Variants in SACS observed in about 807,000 individuals in gnomAD.
SACS encodes the protein sacsin.
In SACS, 197 loss-of-function variants were observed where a neutral mutation model predicts 348.0. The ratio of observed to expected loss-of-function variants is 0.57; its 90% CI spans 0.50 to 0.64. SACS has a LOEUF of 0.64. SACS is among the 30% of genes least tolerant of loss of function. The pLI is 0.00. For missense variants in SACS, 4,999 were observed against 5,360.8 expected, an observed-to-expected ratio of 0.93 and a Z score of 2.11; for synonymous variants, 1,985 against 1,910.6, an observed-to-expected ratio of 1.04 and a Z score of -1.02.
chr13:23,367,307 A>C (rs1026448676), intron 5 of SACS, among the ~76,000 whole-genome samples: 3 of 152,124 alleles, frequency 2.0e-5, no homozygotes, highest in African/African-American at 7.3e-5. Context: ...ATGATCACTA[A>C]AGACACAACA....
intron 2 of SACS, among the ~76,000 whole-genome samples, chr13:23,379,109 G>A (rs535520720): frequency 6.6e-6 from 1 of 151,994 alleles, no homozygotes; most frequent in South Asian, 2.1e-4. Flanking sequence ...CAGGCTCCCT[G>A]GTAGTGAATC....
chr13:23,393,292 G>C (rs926515793), intron 2 of SACS, among the ~76,000 whole-genome samples: 1 of 152,214 alleles, frequency 6.6e-6, no homozygotes, highest in African/African-American at 2.4e-5. Flanking sequence ...GGAGATATGT[G>C]TGTAAATATT....
At chr13:23,392,835 C>T (rs1207573072) in intron 2 of SACS, among the ~76,000 whole-genome samples, 1 of 152,166 alleles carries the variant, frequency 6.6e-6, no homozygotes, top group African/African-American at 2.4e-5. Context: ...ACAAGACAGG[C>T]CCTTCTCTCC....
rs766045899 is a variant in SACS at position 23,375,286 on chromosome 13, G to C, written c.21-17C>G. 1 of 1,434,332 alleles carries C rather than the reference G, an allele frequency of 7.0e-7. No homozygotes were observed. The allele number at this position is 1,434,332 out of a possible 1,614,324, so 88.9% of individuals were successfully genotyped here. On this transcript the variant is annotated splice_polypyrimidine_tract_variant and intron_variant, in intron 2 of 9. Coordinates refer to ENST00000382292, the MANE Select transcript of SACS (RefSeq NM_014363.6). ...GGGACCCACCTGTGGAAAGCAGAGG[G>C]ACGCTCAGTCGGGCTGCGGCTGCCA...
rs762665640 is a variant in SACS, at chr13:23,334,477, T to C, written c.9399A>G (p.Lys3133=). 181 of 1,612,672 alleles carry C rather than the reference T, an allele frequency of 1.1e-4. No individual in the cohort carries two copies. Among genetic ancestry groups the C allele is most frequent in the Non-Finnish European group, 1.3e-4 (151 of 1,179,734 alleles). The change falls in exon 10 of 10, where the codon AAA becomes AAG. Residue 3133 remains lysine (K), a synonymous_variant. Coordinates refer to ENST00000382292, the MANE Select transcript of SACS (RefSeq NM_014363.6). ...CTTTAAAACAATAATCAACTAAAAG[T>C]TTTAAACTATGAAAAAGTTTTAGAT... ...QTNLKLFHSL[K]LLVDYCFKDA...
In SACS at chr13:23,335,361, C is replaced by A. The variant is rs777287755; in HGVS notation, c.8515G>T (p.Ala2839Ser). The change falls in exon 10 of 10, where the codon GCT (alanine) becomes TCT (serine). Residue 2839 changes from alanine to serine, a missense_variant. Physicochemically the swap from Ala to Ser is moderately conservative, Grantham distance 99. Coordinates refer to ENST00000382292, the MANE Select transcript of SACS (RefSeq NM_014363.6). The surrounding 1 kb of genome is among the most constrained non-coding windows in gnomAD (Gnocchi z 4.7). ...AGAGTAATATCTTGGTTCTTGTGAG[C>A]TGATATGACACTTTTAGATACTTTC... is the stretch of plus-strand genomic sequence containing the variant. ...MEKVSKSVIS[A>S]HKNQDITLFP... The A allele has an allele frequency of 1.2e-6, 2 of 1,613,896 alleles. No homozygotes were observed. The highest frequency in any genetic ancestry group is 1.7e-6 in the Non-Finnish European group (2 of 1,179,882).
In SACS at chr13:23,329,675, C is replaced by T. The variant is rs1003496096; in HGVS notation, c.*461G>A. ...TCAGAGCCAGCTGATGAGAAAATAA[C>T]GCATCCAAGAGGATCCACTTAAAAA... On this transcript the variant is annotated 3_prime_UTR_variant, in exon 10 of 10. Coordinates refer to ENST00000382292, the MANE Select transcript of SACS (RefSeq NM_014363.6). The T allele has an allele frequency of 3.1e-5, 16 of 522,192 alleles. No homozygotes were observed. The East Asian group carries it at 3.8e-4, about 12-fold the overall frequency. The allele number at this position is 522,192 out of a possible 1,614,324, so 32.3% of individuals were successfully genotyped here. A position where few individuals can be genotyped will look rare whatever the true frequency, so the allele number is the denominator to read the frequency against.
Position 23,339,508 on chromosome 13 carries a change from T to C in SACS, c.4368A>G (p.Gln1456=), listed in dbSNP as rs1195208728. 1 of 1,612,242 alleles carries C rather than the reference T, an allele frequency of 6.2e-7. No homozygotes were observed. The highest frequency in any genetic ancestry group is 8.5e-7 in the Non-Finnish European group (1 of 1,178,820). Residue 1456 remains glutamine (Q), a synonymous_variant, in exon 10 of 10, where the codon CAA becomes CAG. Coordinates refer to ENST00000382292, the MANE Select transcript of SACS (RefSeq NM_014363.6). The part of the protein sequence containing the change: ...PENMGFEQSG[Q]REPLTVRIKN... ...TAATTCTTACAGTAAGTGGCTCTCTTTGTCCTGACTGCTCAAATCCCATGT... is the reference window on the plus strand; with the variant it reads ...TAATTCTTACAGTAAGTGGCTCTCTCTGTCCTGACTGCTCAAATCCCATGT...
At chr13:23,404,484 C>T (rs914465177) in intron 2 of SACS, among the ~76,000 whole-genome samples, 1 of 152,162 alleles carries the variant, frequency 6.6e-6, no homozygotes, top group African/African-American at 2.4e-5. Flanking sequence ...TGGGCAAAAG[C>T]TGGAAGCATT....
chr13:23,385,865 G>A lies in SACS; in HGVS notation c.21-10596C>T, dbSNP rs866215516. 9.2e-5 allele frequency among the ~76,000 whole-genome samples: 14 copies of A among 152,290 alleles called. 1 individual carries two copies. The highest frequency in any genetic ancestry group is 3.1e-4 in the African/African-American group (13 of 41,582). ...GATGCTGTGTTAGCAGGCAGGAAAC[G>A]ATATTCATCGCCTTGTACTTCTCCA... On this transcript the variant is annotated intron_variant, in intron 2 of 9. Coordinates refer to ENST00000382292, the MANE Select transcript of SACS (RefSeq NM_014363.6).
At position 23,358,467 on chromosome 13, in the gene SACS, CAT is replaced by C. The variant is rs1444216187; in HGVS notation, c.470_471del (p.Tyr157CysfsTer26). ...DMAPYQGPAL[Y>X]VYNNAVFTPE... ...GGGGTGAAAACCGCGTTGTTGTACA[CAT>C]AGAGAGCTGGCCCTAGGTGTGAAAA... On this transcript the variant is annotated frameshift_variant, in exon 7 of 10. Transcript: ENST00000382292. LOFTEE classifies it high-confidence loss of function. The C allele has an allele frequency of 1.2e-6, 2 of 1,614,110 alleles. No individual in the cohort carries two copies. The highest frequency in any genetic ancestry group is 1.1e-5 in the South Asian group (1 of 91,084).
chr13:23,335,604 C>G lies in SACS; in HGVS notation c.8272G>C (p.Ala2758Pro). Residue 2758 changes from alanine to proline, a missense_variant, in exon 10 of 10, where the codon GCT (alanine) becomes CCT (proline). Transcript: ENST00000382292. The surrounding 1 kb of genome is among the most constrained non-coding windows in gnomAD (Gnocchi z 4.7). ...SICEIDKSTG[A>P]LNVLYSVKGK... ...TTTACTGAATACAGCACATTTAGAG[C>G]TCCAGTACTCTTATCTATTTCACAA... 1 of 1,613,786 alleles carries G rather than the reference C, an allele frequency of 6.2e-7. No individual in the cohort carries two copies.
In SACS at chr13:23,333,843, C is replaced by T; in HGVS notation, c.10033G>A (p.Val3345Ile). ...NKICSKDSAF[V>I]PLLSCHTANI... ...GCTGTGTGACATGACAACAAAGGAA[C>T]AAATGCACTGTCTTTGGAACAGATT... Residue 3345 changes from valine (V) to isoleucine (I), a missense_variant, in exon 10 of 10, where the codon GTT (valine) becomes ATT (isoleucine). Transcript: ENST00000382292. The T allele has an allele frequency of 1.9e-6, 3 of 1,613,818 alleles. No homozygotes were observed. Among genetic ancestry groups the T allele is most frequent in the South Asian group, 1.1e-5 (1 of 91,070 alleles).
chr13:23,341,498 T>C lies in SACS; in HGVS notation c.2378A>G (p.Asp793Gly). 6.2e-7 allele frequency: 1 copy of C among 1,613,994 alleles called. No individual in the cohort carries two copies. Among genetic ancestry groups the C allele is most frequent in the East Asian group, 2.2e-5 (1 of 44,868 alleles). The stretch of plus-strand genomic sequence containing the variant: ...TGGCATCTCATCAAATAAAGTCAAA[T>C]CCTCTGAAAAATGTATATAAAGATT... ...WKNLYIHFSE[D>G]LTLFDEMPLI... The change falls in exon 10 of 10, where the codon GAT becomes GGT. Residue 793 changes from aspartate (D) to glycine (G), a missense_variant. Physicochemically the swap from Asp to Gly is moderately conservative, Grantham distance 94. This residue lies in a region of SACS where 3,156 missense variants were observed against 3,380.1 expected (regional missense o/e 0.93). Coordinates refer to ENST00000382292, the MANE Select transcript of SACS (RefSeq NM_014363.6).
chr13:23,421,768 T>C (rs751250229), intron 1 of SACS, among the ~76,000 whole-genome samples: 2 of 151,976 alleles, frequency 1.3e-5, no homozygotes, highest in African/African-American at 4.8e-5. Context: ...GGTCAGGGTA[T>C]CTACCTGGAG....
Position 23,338,375 on chromosome 13 carries a change from A to C in SACS, c.5501T>G (p.Leu1834Arg). The C allele has an allele frequency of 6.2e-7, 1 of 1,614,122 alleles. No homozygotes were observed. Among genetic ancestry groups the C allele is most frequent in the Non-Finnish European group, 8.5e-7 (1 of 1,179,996 alleles). The stretch of plus-strand genomic sequence containing the variant: ...TCCTAGTCTTCTTCCACTCTCACTC[A>C]GGGAAAACTTCAGAGCCTCTCCTGT... ...MDTGEALKFS[L>R]SESGRRLGLV... is the part of the protein sequence containing the mutation. The change falls in exon 10 of 10, where the codon CTG becomes CGG. Residue 1834 changes from leucine to arginine, a missense_variant. Coordinates refer to ENST00000382292, the MANE Select transcript of SACS (RefSeq NM_014363.6).
intron 2 of SACS, among the ~76,000 whole-genome samples, chr13:23,407,912 A>G (rs560123249): frequency 1.3e-5 from 2 of 152,156 alleles, no homozygotes; most frequent in South Asian, 4.1e-4. Flanking sequence ...AAGTCAGTTC[A>G]GCAAGAGTCC....
rs767864000 is a variant in SACS at position 23,336,500 on chromosome 13, A to G, written c.7376T>C (p.Met2459Thr). The G allele has an allele frequency of 1.1e-5, 18 of 1,613,948 alleles. No homozygotes were observed. The highest frequency in any genetic ancestry group is 1.3e-5 in the African/African-American group (1 of 74,936). The change falls in exon 10 of 10, where the codon ATG becomes ACG. Residue 2459 changes from methionine (M) to threonine (T), a missense_variant. Coordinates refer to ENST00000382292, the MANE Select transcript of SACS (RefSeq NM_014363.6). ...GCATAACGATTTAGCAGGGAGAAGC[A>G]TAAGATTAGTATCTGGCAATAATAT... The part of the protein sequence containing the change: ...GKILLPDTNL[M>T]LLPAKSLCYN...
chr13:23,340,929 T>C lies in SACS; in HGVS notation c.2947A>G (p.Ile983Val), dbSNP rs1187126554. 6.2e-6 allele frequency: 10 copies of C among 1,613,940 alleles called. No homozygotes were observed. Among genetic ancestry groups the C allele is most frequent in the African/African-American group, 1.3e-5 (1 of 74,932 alleles). The change falls in exon 10 of 10, where the codon ATA becomes GTA. Residue 983 changes from isoleucine (I) to valine (V), a missense_variant. Ile to Val is a conservative substitution (Grantham distance 29). Coordinates refer to ENST00000382292, the MANE Select transcript of SACS (RefSeq NM_014363.6). Reference sequence around the variant, plus strand: ...CAGCTAGTGGTCTTTAACTGTTCTATTTTCAACATGTTTGCCAGACGAATA... The same window carrying C: ...CAGCTAGTGGTCTTTAACTGTTCTACTTTCAACATGTTTGCCAGACGAATA... Reference protein sequence around the residue: ...ATIRLANMLKIEQLKTTSCLK... With the variant: ...ATIRLANMLKVEQLKTTSCLK...
Sources: allele counts gnomAD v4.1 joint callset (sites outside exome capture counted in the v4.1 genomes callset), GRCh38; gene constraint gnomAD v4.1.1; regional missense constraint gnomAD v4.1.1; non-coding constraint Gnocchi (gnomAD v3.1); transcripts MANE v1.5; gene names NCBI Gene and HGNC (gene_info 2026-07-23, HGNC 2026-07-21).